TENM4: variants seen among roughly 807,000 people sequenced by gnomAD.
The protein encoded by TENM4 is teneurin-4.
Under a neutral mutation model 243.3 loss-of-function variants are expected in TENM4, and 82 were observed. That is an observed-to-expected ratio of 0.34 (90% CI 0.28 to 0.40). The LOEUF (loss-of-function observed/expected upper bound fraction) is 0.40. TENM4 is among the 10% of genes least tolerant of loss of function. The pLI is 1.00. For missense variants in TENM4, 3,138 were observed against 3,673.3 expected (o/e 0.85, Z 3.77); for synonymous variants, 1,412 against 1,456.3 (o/e 0.97, Z 0.69).
chr11:79,353,122 C>T (rs1259364125), intron 1 of TENM4, among the ~76,000 whole-genome samples: 1 of 152,070 alleles, frequency 6.6e-6, no homozygotes, highest in African/African-American at 2.4e-5. Flanking sequence ...AATACTTTTA[C>T]CTTATGGGGC....
intron 1 of TENM4, among the ~76,000 whole-genome samples, chr11:79,304,709 G>A (rs1448492380): frequency 6.6e-6 from 1 of 152,076 alleles, no homozygotes; most frequent in African/African-American, 2.4e-5. Context: ...GGCTTAGTGG[G>A]GCCAAAAGTG....
intron 1 of TENM4, among the ~76,000 whole-genome samples, chr11:79,398,952 A>G (rs993461284): frequency 7.9e-5 from 12 of 152,140 alleles, no homozygotes; most frequent in African/African-American, 2.9e-4. Context: ...ATGCATTCCA[A>G]GCAGAAGGAA....
intron 6 of TENM4, among the ~76,000 whole-genome samples, chr11:78,999,826 GAAGA>G (rs112967891): frequency 0.049 from 7,435 of 152,036 alleles, 422 homozygotes; most frequent in African/African-American, 0.14. Flanking sequence ...CAGAGAAAGA[GAAGA>G]GAGAGGTGCA....
intron 6 of TENM4, among the ~76,000 whole-genome samples, chr11:79,034,220 G>T (rs571526001): frequency 1.5e-4 from 23 of 152,300 alleles, no homozygotes; most frequent in African/African-American, 5.5e-4. Flanking sequence ...TTTCAAAGAA[G>T]CTTTCATCAT....
intron 6 of TENM4, among the ~76,000 whole-genome samples, chr11:78,972,742 TCA>T (rs1271503050): frequency 1.3e-5 from 2 of 152,184 alleles, no homozygotes; most frequent in African/African-American, 4.8e-5. Context: ...TTTAGTATAT[TCA>T]CAGAGTATTG....
intron 2 of TENM4, among the ~76,000 whole-genome samples, chr11:79,280,317 T>C (rs528116628): frequency 6.6e-6 from 1 of 152,256 alleles, no homozygotes; most frequent in Admixed American, 6.5e-5. Flanking sequence ...TTTGTGGCCA[T>C]CTCCCCACAG....
Position 78,856,157 on chromosome 11 carries a change from G to T in TENM4, c.1277C>A (p.Pro426Gln). ...TCCAGAATCTATGAAACTGTCCTCT[G>T]GAAAGAAACTACTGGGCTTTCCTAC... is the stretch of plus-strand genomic sequence containing the variant. ...TTEGKPSSFF[P>Q]EDSFIDSGEI... Residue 426 changes from proline (P) to glutamine (Q), a missense_variant, in exon 11 of 34, where the codon CCA becomes CAA. By Grantham distance (76) the Pro-to-Gln change is moderately conservative. Transcript: ENST00000278550. 1 of 1,551,524 alleles carries T rather than the reference G, an allele frequency of 6.4e-7. No homozygotes were observed. The highest frequency in any genetic ancestry group is 8.7e-7 in the Non-Finnish European group (1 of 1,146,918).
intron 32 of TENM4, among the ~76,000 whole-genome samples, chr11:78,664,644 G>A (rs1858107611): frequency 6.6e-6 from 1 of 152,204 alleles, no homozygotes; most frequent in African/African-American, 2.4e-5. Context: ...AACAGAAGGA[G>A]CTTGGACTAA....
chr11:78,869,962 C>A (rs1297070235), intron 9 of TENM4, among the ~76,000 whole-genome samples: 1 of 152,194 alleles, frequency 6.6e-6, no homozygotes, highest in Non-Finnish European at 1.5e-5. Flanking sequence ...AACTGATCCC[C>A]ACAAACAAAA....
intron 2 of TENM4, among the ~76,000 whole-genome samples, chr11:79,263,623 C>T (rs930275328): frequency 1.3e-5 from 2 of 152,194 alleles, no homozygotes; most frequent in Admixed American, 6.5e-5. Flanking sequence ...CTGAGAACTC[C>T]TTCACACTTG....
chr11:78,730,766 T>C (rs2135874935), intron 21 of TENM4, among the ~76,000 whole-genome samples: 1 of 152,346 alleles, frequency 6.6e-6, no homozygotes, highest in Admixed American at 6.5e-5. Context: ...TGGGCCTTTT[T>C]CATCCTGTCC....
intron 3 of TENM4, among the ~76,000 whole-genome samples, chr11:79,205,262 T>C (rs901718196): frequency 2.6e-5 from 4 of 152,184 alleles, no homozygotes; most frequent in Non-Finnish European, 5.9e-5. Flanking sequence ...TTTGCAAAAG[T>C]ATAAAATACT....
chr11:79,270,273 C>T (rs780387339), intron 2 of TENM4, among the ~76,000 whole-genome samples: 1 of 152,176 alleles, frequency 6.6e-6, no homozygotes, highest in African/African-American at 2.4e-5. Flanking sequence ...TGGGTGTGCA[C>T]AAGGCATGTG....
chr11:79,194,841 T>C lies in TENM4; in HGVS notation c.-163+20967A>G, dbSNP rs562397810. 1.3e-4 allele frequency among the ~76,000 whole-genome samples: 20 copies of C among 152,358 alleles called. No homozygotes were observed. The South Asian group carries it at 4.1e-3, about 32-fold the overall frequency. On this transcript the variant is annotated intron_variant, in intron 3 of 33. Transcript: ENST00000278550. ...CTTGCATAAGTAGAAAGGAGCCTAA[T>C]ATTAATCCCCAAGACCATGGGAAAA... is the stretch of plus-strand genomic sequence containing the variant.
intron 10 of TENM4, among the ~76,000 whole-genome samples, 199 bp from the exon 11 acceptor site, chr11:78,856,377 G>A (rs956412006): frequency 1.3e-5 from 2 of 151,674 alleles, no homozygotes; most frequent in African/African-American, 4.9e-5. Flanking sequence ...TCCCCCCAGC[G>A]ATGCTCAAAT....
At chr11:79,214,434 G>A (rs1416243361) in intron 3 of TENM4, among the ~76,000 whole-genome samples, 1 of 152,180 alleles carries the variant, frequency 6.6e-6, no homozygotes, top group African/African-American at 2.4e-5. Context: ...TATCCCCAGA[G>A]CTTAACATAG....
At chr11:78,992,048 G>A (rs894566456) in intron 6 of TENM4, among the ~76,000 whole-genome samples, 4 of 152,198 alleles carry the variant, frequency 2.6e-5, no homozygotes, top group Non-Finnish European at 4.4e-5. Context: ...CACTCTGAAG[G>A]TAGATCTATT....
chr11:78,769,601 G>A (rs1180046291), intron 18 of TENM4, among the ~76,000 whole-genome samples: 3 of 152,172 alleles, frequency 2.0e-5, no homozygotes, highest in Non-Finnish European at 4.4e-5. Context: ...AAAAATTAAT[G>A]AACTCCACAA....
chr11:79,421,309 C>T (rs1858926230), intron 1 of TENM4, among the ~76,000 whole-genome samples: 1 of 152,112 alleles, frequency 6.6e-6, no homozygotes, highest in African/African-American at 2.4e-5. Context: ...TGAAGGAGAA[C>T]CTAGTATTTC....
Sources: gnomAD v4.1 joint callset for allele counts (sites outside exome capture counted in the v4.1 genomes callset) on GRCh38, gnomAD v4.1.1 for gene constraint, MANE v1.5 for transcripts, NCBI Gene and HGNC (gene_info 2026-07-23, HGNC 2026-07-21) for gene names.